The following CSMD1 variants were observed in gnomAD, a reference collection of about 807,000 sequenced individuals.
CSMD1 encodes CUB and sushi domain-containing protein 1.
In CSMD1, 213 loss-of-function variants were observed where a neutral mutation model predicts 417.5. The ratio of observed to expected loss-of-function variants is 0.51; its 90% CI spans 0.46 to 0.57. The LOEUF is 0.57. Among genes scored for constraint, CSMD1 ranks in the 20% least tolerant of loss-of-function variants. The pLI, the probability that CSMD1 is intolerant of heterozygous loss-of-function variation, is 0.00. For synonymous variants in CSMD1, 2,862 were observed against 1,736.8 expected (o/e 1.65, Z -16.11); for missense variants, 6,923 against 4,529.7 (o/e 1.53, Z -15.17).
intron 2 of CSMD1, among the ~76,000 whole-genome samples, chr8:4,468,377 G>C (rs879516186): frequency 7.9e-5 from 12 of 152,174 alleles, no homozygotes; most frequent in Non-Finnish European, 1.8e-4. Flanking sequence ...TTAATAAAGA[G>C]GATAATATTT....
chr8:4,722,619 A>G (rs1253545930), intron 1 of CSMD1, among the ~76,000 whole-genome samples: 1 of 152,130 alleles, frequency 6.6e-6, no homozygotes, highest in East Asian at 1.9e-4. Flanking sequence ...CAGGGTGCAT[A>G]AGTCCACAGG....
chr8:3,418,525 G>A (rs1051188668), intron 12 of CSMD1, among the ~76,000 whole-genome samples: 7 of 152,032 alleles, frequency 4.6e-5, no homozygotes, highest in South Asian at 2.1e-4. Flanking sequence ...ATTCCCTGAC[G>A]GTCCCGCTGA....
chr8:3,911,087 A>C (rs1241185647), intron 5 of CSMD1, among the ~76,000 whole-genome samples: 2 of 152,174 alleles, frequency 1.3e-5, no homozygotes, highest in Non-Finnish European at 1.5e-5. Flanking sequence ...AAATTCTGTC[A>C]AATCACCTTG....
chr8:3,435,787 C>A (rs941782517), intron 12 of CSMD1, among the ~76,000 whole-genome samples: 2 of 152,188 alleles, frequency 1.3e-5, no homozygotes, highest in Non-Finnish European at 2.9e-5. Context: ...CTGCCCTGCA[C>A]AAAACTTCCA....
At chr8:4,854,893 G>A (rs547779446) in intron 1 of CSMD1, among the ~76,000 whole-genome samples, 12 of 152,334 alleles carry the variant, frequency 7.9e-5, no homozygotes, top group Middle Eastern at 3.4e-3. Flanking sequence ...CAGGAAGCTC[G>A]AACTGGGTGG....
intron 1 of CSMD1, among the ~76,000 whole-genome samples, chr8:4,903,615 T>C (rs1805044126): frequency 6.6e-6 from 1 of 152,220 alleles, no homozygotes; most frequent in East Asian, 1.9e-4. Context: ...GATAAAACAT[T>C]ATGAAGTAAA....
chr8:4,083,514 C>T (rs1020029474), intron 3 of CSMD1, among the ~76,000 whole-genome samples: 3 of 152,152 alleles, frequency 2.0e-5, no homozygotes, highest in African/African-American at 7.2e-5. Flanking sequence ...TGGAACAGAA[C>T]ACAGCCTGCA....
intron 3 of CSMD1, among the ~76,000 whole-genome samples, chr8:4,230,339 G>A (rs1334849753): frequency 1.3e-5 from 2 of 152,082 alleles, no homozygotes; most frequent in Admixed American, 6.5e-5. Context: ...ATTGCATAAA[G>A]CAAATCAAGC....
Position 2,992,433 on chromosome 8 carries a change from GT to G in CSMD1, c.8377+5577del, listed in dbSNP as rs374851134. Among the ~76,000 whole-genome samples, 13 of 148,364 alleles carry G rather than the reference GT, an allele frequency of 8.8e-5. No individual in the cohort carries two copies. The South Asian group carries it at 1.3e-3, about 15-fold the overall frequency. Reference sequence around the variant, plus strand: ...TTTGATTTGCTTTGTTGTTGTTGCTGTTTTTTTTTTAATGAAGTCTCGCTCT... The same window carrying G: ...TTTGATTTGCTTTGTTGTTGTTGCTGTTTTTTTTTAATGAAGTCTCGCTCT... On this transcript the variant is annotated intron_variant, in intron 54 of 69. Coordinates refer to ENST00000635120, the MANE Select transcript of CSMD1 (RefSeq NM_033225.6).
chr8:3,064,794 C>T lies in CSMD1; in HGVS notation c.7475-12147G>A, dbSNP rs554158246. ...GTGATTCTGATTATTTAGAAATAAC[C>T]AGCATGAGGTTAAGCAAATTCCAAC... On this transcript the variant is annotated intron_variant, in intron 49 of 69. Transcript: ENST00000635120. 7.9e-5 allele frequency among the ~76,000 whole-genome samples: 12 copies of T among 152,188 alleles called. No homozygotes were observed. In the East Asian group the frequency reaches 2.1e-3, roughly 27 times the overall value.
At chr8:2,979,138 G>A (rs890954437) in intron 54 of CSMD1, among the ~76,000 whole-genome samples, 1 of 152,192 alleles carries the variant, frequency 6.6e-6, no homozygotes, top group Non-Finnish European at 1.5e-5. Context: ...GCTGAGGTTC[G>A]TTTAAATATT....
chr8:2,962,720 G>A (rs1803606753), intron 60 of CSMD1, 81 bp from the exon 61 acceptor site: 3 of 1,410,972 alleles, frequency 2.1e-6, no homozygotes. Flanking sequence ...ACTAGTTTCT[G>A]TTAAATCTTT....
At chr8:4,650,331 C>G (rs1474491610) in intron 1 of CSMD1, among the ~76,000 whole-genome samples, 1 of 118,150 alleles carries the variant, frequency 8.5e-6, no homozygotes, top group African/African-American at 3.5e-5. Flanking sequence ...GGCAGCAGTA[C>G]GAGACTCCGT....
At chr8:3,412,868 A>G (rs905517488) in intron 12 of CSMD1, among the ~76,000 whole-genome samples, 4 of 152,198 alleles carry the variant, frequency 2.6e-5, no homozygotes, top group Non-Finnish European at 5.9e-5. Flanking sequence ...GTGAGTTCAA[A>G]ACGCTGCATG....
At position 2,978,815 on chromosome 8, in the gene CSMD1, A is replaced by G. The variant is rs758271858; in HGVS notation, c.8378-15T>C. On this transcript the variant is annotated splice_polypyrimidine_tract_variant and intron_variant, in intron 54 of 69. Transcript: ENST00000635120. ...ACAGTTCACCACTAGAAAATAAAAC[A>G]TTTCACACACCATTTAGAAACAGCT... 1 of 1,578,418 alleles carries G rather than the reference A, an allele frequency of 6.3e-7. No individual in the cohort carries two copies. The highest frequency in any genetic ancestry group is 1.8e-5 in the Admixed American group (1 of 54,482).
intron 5 of CSMD1, among the ~76,000 whole-genome samples, chr8:3,968,212 T>A (rs1216648405): frequency 2.0e-5 from 3 of 150,282 alleles, no homozygotes; most frequent in Admixed American, 2.0e-4. Flanking sequence ...TAATAATAAA[T>A]AATAAAAAAC....
chr8:4,400,663 T>C (rs1804583262), intron 3 of CSMD1, among the ~76,000 whole-genome samples: 1 of 152,194 alleles, frequency 6.6e-6, no homozygotes, highest in African/African-American at 2.4e-5. Flanking sequence ...ATACAACCCA[T>C]ATTTTAGGCC....
chr8:3,283,640 A>G (rs1173472813), intron 26 of CSMD1, among the ~76,000 whole-genome samples: 1 of 152,090 alleles, frequency 6.6e-6, no homozygotes, highest in Admixed American at 6.6e-5. Context: ...GCATAGAATA[A>G]TTCTCTGGCC....
chr8:3,195,617 G>A (rs1238394316), intron 33 of CSMD1, among the ~76,000 whole-genome samples: 1 of 152,168 alleles, frequency 6.6e-6, no homozygotes, highest in Admixed American at 6.5e-5. Context: ...ACCACGGCCA[G>A]TAATGCAGGT....
Sources: gnomAD v4.1 joint callset for allele counts (sites outside exome capture counted in the v4.1 genomes callset) on GRCh38, gnomAD v4.1.1 for gene constraint, MANE v1.5 for transcripts, NCBI Gene and HGNC (gene_info 2026-07-23, HGNC 2026-07-21) for gene names.